The following SPAG16 variants were observed in gnomAD, a reference collection of about 807,000 sequenced individuals.
The protein encoded by SPAG16 is sperm-associated antigen 16 protein.
A neutral mutation model predicts 80.4 loss-of-function variants in SPAG16; 86 were observed. The observed-to-expected ratio is 1.07, with a 90% CI of 0.90 to 1.28. The LOEUF (loss-of-function observed/expected upper bound fraction) is 1.28, where lower values mean the gene tolerates loss of function less well. Ranked by LOEUF, SPAG16 falls within the 50% of genes most tolerant of loss-of-function variation. The pLI, the probability that SPAG16 is intolerant of heterozygous loss-of-function variation, is 0.00. For missense variants in SPAG16, 870 were observed against 765.3 expected (o/e 1.14, Z -1.61); for synonymous variants, 294 against 265.9 (o/e 1.11, Z -1.03).
chr2:214,296,546 C>A (rs1051955554), intron 15 of SPAG16, among the ~76,000 whole-genome samples: 5 of 152,200 alleles, frequency 3.3e-5, no homozygotes, highest in Non-Finnish European at 7.4e-5. Context: ...TCCACACCAA[C>A]ATCTGTGGTT....
chr2:213,445,568 A>G (rs1456258159), intron 9 of SPAG16, among the ~76,000 whole-genome samples: 1 of 152,124 alleles, frequency 6.6e-6, no homozygotes, highest in African/African-American at 2.4e-5. Context: ...AGGCTGAGGC[A>G]GGAGGGAGAA....
At chr2:213,912,380 AAGAG>A (rs1276070036) in intron 11 of SPAG16, among the ~76,000 whole-genome samples, 1 of 152,038 alleles carries the variant, frequency 6.6e-6, no homozygotes, top group Non-Finnish European at 1.5e-5. Context: ...TTTGCTATAT[AAGAG>A]AGAAACTATG....
intron 9 of SPAG16, among the ~76,000 whole-genome samples, chr2:213,455,703 G>C (rs1174858801): frequency 6.6e-6 from 1 of 152,162 alleles, no homozygotes; most frequent in African/African-American, 2.4e-5. Flanking sequence ...GTTCACAATA[G>C]GGTTTGCGCT....
chr2:214,170,686 T>C (rs1157262918), intron 15 of SPAG16, among the ~76,000 whole-genome samples: 2 of 152,006 alleles, frequency 1.3e-5, no homozygotes, highest in Admixed American at 6.6e-5. Flanking sequence ...TCAGGTCAAT[T>C]GGATGTGTGA....
intron 10 of SPAG16, among the ~76,000 whole-genome samples, chr2:213,522,157 A>G (rs960405034): frequency 8.5e-5 from 13 of 152,240 alleles, no homozygotes; most frequent in African/African-American, 2.9e-4. Context: ...ACAGAAAAGA[A>G]CAAAGAAATT....
At chr2:214,162,511 A>T (rs148761509) in intron 15 of SPAG16, among the ~76,000 whole-genome samples, 2 of 152,024 alleles carry the variant, frequency 1.3e-5, no homozygotes, top group Non-Finnish European at 2.9e-5. Context: ...ATAGAGGGAG[A>T]TTCAACTTTA....
At chr2:214,258,633 G>A (rs1690898386) in intron 15 of SPAG16, among the ~76,000 whole-genome samples, 1 of 151,860 alleles carries the variant, frequency 6.6e-6, no homozygotes, top group Admixed American at 6.6e-5. Context: ...TTCATATAAT[G>A]ACTTCTTTTG....
chr2:213,904,363 G>C (rs1267125329), intron 11 of SPAG16, among the ~76,000 whole-genome samples: 1 of 152,104 alleles, frequency 6.6e-6, no homozygotes, highest in African/African-American at 2.4e-5. Context: ...TTCTTACATA[G>C]TGGCAGCAAG....
intron 15 of SPAG16, among the ~76,000 whole-genome samples, chr2:214,288,958 C>T (rs530258530): frequency 5.3e-5 from 8 of 151,900 alleles, no homozygotes; most frequent in African/African-American, 1.5e-4. Context: ...TTAGTAGAGA[C>T]GGGGTTTCAC....
intron 1 of SPAG16, among the ~76,000 whole-genome samples, chr2:213,286,483 G>T (rs2062060873): frequency 6.6e-6 from 1 of 152,204 alleles, no homozygotes; most frequent in Non-Finnish European, 1.5e-5. Flanking sequence ...ATTAAGAGTT[G>T]CCTGTGTAAT....
chr2:214,191,987 A>G (rs73081037), intron 15 of SPAG16, among the ~76,000 whole-genome samples: 322 of 147,354 alleles, frequency 2.2e-3, no homozygotes, highest in African/African-American at 7.9e-3. Flanking sequence ...TTACTTTGGG[A>G]AAAAAAAAAC....
chr2:213,816,500 TAAAA>T (rs1490026626), intron 10 of SPAG16, among the ~76,000 whole-genome samples: 1 of 152,088 alleles, frequency 6.6e-6, no homozygotes, highest in Non-Finnish European at 1.5e-5. Flanking sequence ...TTTTTTCAAA[TAAAA>T]TTTATTTTTC....
intron 15 of SPAG16, among the ~76,000 whole-genome samples, chr2:214,179,149 T>C (rs114439159): frequency 1.5e-3 from 229 of 151,546 alleles, no homozygotes; most frequent in African/African-American, 4.3e-3. Context: ...TGTAGGAATT[T>C]GTTGCAATAG....
At chr2:214,014,722 G>C (rs1242902244) in intron 13 of SPAG16, among the ~76,000 whole-genome samples, 2 of 152,184 alleles carry the variant, frequency 1.3e-5, no homozygotes, top group African/African-American at 4.8e-5. Flanking sequence ...AGAATGTACA[G>C]AGACAAAACA....
chr2:213,470,368 A>G (rs1270376719), intron 9 of SPAG16, among the ~76,000 whole-genome samples: 4 of 152,182 alleles, frequency 2.6e-5, no homozygotes, highest in Admixed American at 6.5e-5. Context: ...ATGATGATGG[A>G]TAAGGCATTC....
chr2:214,316,555 G>A (rs1434305007), intron 15 of SPAG16, among the ~76,000 whole-genome samples: 1 of 152,094 alleles, frequency 6.6e-6, no homozygotes, highest in African/African-American at 2.4e-5. Flanking sequence ...AGTTGTAGAT[G>A]GTAACTGTGA....
chr2:213,895,842 G>A (rs560555345), intron 11 of SPAG16, among the ~76,000 whole-genome samples: 26 of 152,080 alleles, frequency 1.7e-4, no homozygotes, highest in African/African-American at 6.3e-4. Context: ...AAAGCATTGG[G>A]TAAGCACCCC....
At chr2:214,371,454 C>T (rs1212574732) in intron 15 of SPAG16, among the ~76,000 whole-genome samples, 2 of 150,220 alleles carry the variant, frequency 1.3e-5, no homozygotes, top group Non-Finnish European at 3.0e-5. Flanking sequence ...ATCACTTGAA[C>T]CCGGGAGGCA....
intron 15 of SPAG16, among the ~76,000 whole-genome samples, chr2:214,253,392 G>T (rs1402873715): frequency 6.6e-6 from 1 of 152,154 alleles, no homozygotes; most frequent in African/African-American, 2.4e-5. Flanking sequence ...CCTATGTCCT[G>T]AATGGTATTC....
Sources: allele counts gnomAD v4.1 joint callset (sites outside exome capture counted in the v4.1 genomes callset), GRCh38; gene constraint gnomAD v4.1.1; transcripts MANE v1.5; gene names NCBI Gene and HGNC (gene_info 2026-07-23, HGNC 2026-07-21).